PDE4D: variants seen among roughly 807,000 people sequenced by gnomAD.
PDE4D encodes phosphodiesterase 4D, also known as 3',5'-cyclic-AMP phosphodiesterase 4D.
A neutral mutation model predicts 87.4 loss-of-function variants in PDE4D; 24 were observed. That is an observed-to-expected ratio of 0.27 (90% CI 0.20 to 0.39). PDE4D has a LOEUF of 0.39. Among genes scored for constraint, PDE4D ranks in the 10% least tolerant of loss-of-function variants. The pLI is 1.00. For synonymous variants in PDE4D, 384 were observed against 383.2 expected, an observed-to-expected ratio of 1.00 and a Z score of -0.02; for missense variants, 714 against 1,041.0, an observed-to-expected ratio of 0.69 and a Z score of 4.32.
chr5:59,600,262 C>T (rs564147742), intron 1 of PDE4D, among the ~76,000 whole-genome samples: 1 of 152,164 alleles, frequency 6.6e-6, no homozygotes, highest in Non-Finnish European at 1.5e-5. Context: ...GTTGGACTCA[C>T]GGCACTACTC....
chr5:59,475,858 T>C (rs1376784558), intron 1 of PDE4D, among the ~76,000 whole-genome samples: 2 of 152,062 alleles, frequency 1.3e-5, no homozygotes, highest in African/African-American at 4.8e-5. Context: ...AGGGCAGGCT[T>C]GTCTTTAAAA....
intron 1 of PDE4D, among the ~76,000 whole-genome samples, chr5:59,258,285 A>C (rs1251982897): frequency 1.3e-5 from 2 of 151,854 alleles, no homozygotes; most frequent in Admixed American, 6.6e-5. Context: ...ACACACACCC[A>C]TACACAGACA....
At chr5:59,308,485 T>C (rs10079614) in intron 1 of PDE4D, among the ~76,000 whole-genome samples, 10,949 of 152,208 alleles carry the variant, frequency 0.072, 531 homozygotes, top group South Asian at 0.13. Context: ...TTCCTTCATA[T>C]ATGATGCTTA....
chr5:59,952,140 C>G (rs1267759733), intron 3 of PDE4D, among the ~76,000 whole-genome samples: 1 of 152,016 alleles, frequency 6.6e-6, no homozygotes, highest in Non-Finnish European at 1.5e-5. Flanking sequence ...GGCTCTTCCC[C>G]CTTCACTCTT....
chr5:59,977,992 T>C (rs1014842206), intron 3 of PDE4D, among the ~76,000 whole-genome samples: 2 of 152,208 alleles, frequency 1.3e-5, no homozygotes, highest in African/African-American at 4.8e-5. Context: ...GAGCCCACTG[T>C]TGAGACATAC....
chr5:59,702,718 A>T (rs1396182149), intron 1 of PDE4D, among the ~76,000 whole-genome samples: 2 of 151,648 alleles, frequency 1.3e-5, no homozygotes, highest in African/African-American at 4.8e-5. Flanking sequence ...AAAATACAAA[A>T]ATTAGCTGGG....
intron 1 of PDE4D, among the ~76,000 whole-genome samples, chr5:59,720,122 G>A (rs1755615967): frequency 6.6e-6 from 1 of 152,180 alleles, no homozygotes; most frequent in Admixed American, 6.6e-5. Flanking sequence ...ATGTTTGTGT[G>A]TGTTTTAAGA....
chr5:59,409,553 T>G (rs1792302493), intron 1 of PDE4D, among the ~76,000 whole-genome samples: 1 of 152,078 alleles, frequency 6.6e-6, no homozygotes, highest in African/African-American at 2.4e-5. Context: ...GATCTAGTTG[T>G]TTAAAAGTGT....
intron 2 of PDE4D, among the ~76,000 whole-genome samples, chr5:60,163,160 C>T (rs769163161): frequency 5.9e-5 from 9 of 152,164 alleles, no homozygotes; most frequent in Non-Finnish European, 8.8e-5. Context: ...AACTCCTGAG[C>T]TAGCTATGTT....
chr5:60,025,109 T>C (rs1018746441), intron 2 of PDE4D, among the ~76,000 whole-genome samples: 1 of 152,118 alleles, frequency 6.6e-6, no homozygotes, highest in Non-Finnish European at 1.5e-5. Flanking sequence ...AATATGAAGA[T>C]AAATTGGATT....
In PDE4D at chr5:59,368,325, A is replaced by T. The variant is rs189784619; in HGVS notation, c.456-152357T>A. ...CCATTCGGTAAATGAAAATTGAAAA[A>T]TTGAAAATTGGGGACTACATTAAAA... On this transcript the variant is annotated intron_variant, in intron 1 of 14. Coordinates refer to ENST00000340635, the MANE Select transcript of PDE4D (RefSeq NM_001104631.2). 3.7e-3 allele frequency among the ~76,000 whole-genome samples: 556 copies of T among 152,298 alleles called. 2 individuals are homozygous for T. The highest frequency in any genetic ancestry group is 6.4e-3 in the South Asian group (31 of 4,824).
chr5:59,771,281 A>T (rs1045225938), intron 1 of PDE4D, among the ~76,000 whole-genome samples: 3 of 151,590 alleles, frequency 2.0e-5, no homozygotes, highest in Non-Finnish European at 4.4e-5. Flanking sequence ...AAGTACCCAG[A>T]CGAGATCTTG....
intron 3 of PDE4D, among the ~76,000 whole-genome samples, chr5:59,914,889 G>GTGTGTT (rs1753868289): frequency 6.6e-6 from 1 of 150,418 alleles, no homozygotes; most frequent in African/African-American, 2.4e-5. Context: ...GTGTGTGTGT[G>GTGTGTT]TGTGTGTGTG....
At chr5:59,138,958 A>G (rs1265812625) in intron 5 of PDE4D, among the ~76,000 whole-genome samples, 2 of 152,312 alleles carry the variant, frequency 1.3e-5, no homozygotes, top group Admixed American at 6.5e-5. Context: ...AAATTCAGGA[A>G]TAGCTATCTC....
intron 1 of PDE4D, among the ~76,000 whole-genome samples, chr5:60,230,914 C>G (rs1745730949): frequency 6.6e-6 from 1 of 152,038 alleles, no homozygotes; most frequent in Non-Finnish European, 1.5e-5. Flanking sequence ...ACCCTTAGTT[C>G]TGGCAGGAAC....
intron 1 of PDE4D, chr5:60,430,206 T>C (rs1744099429): frequency 1.9e-6 from 1 of 521,398 alleles, no homozygotes; most frequent in Non-Finnish European, 3.8e-6. Context: ...TGATGGGATA[T>C]TCTCGGGTCA....
chr5:59,067,217 A>AT (rs1764084190), intron 5 of PDE4D, among the ~76,000 whole-genome samples: 1 of 151,688 alleles, frequency 6.6e-6, no homozygotes, highest in African/African-American at 2.4e-5. Context: ...AGGTTTCATC[A>AT]TGTTGCCCAG....
At chr5:59,677,155 G>A (rs1748231779) in intron 1 of PDE4D, among the ~76,000 whole-genome samples, 1 of 151,460 alleles carries the variant, frequency 6.6e-6, no homozygotes, top group Non-Finnish European at 1.5e-5. Context: ...CTATCTATTT[G>A]TATATATACC....
chr5:60,095,484 T>A (rs901858731), intron 2 of PDE4D, among the ~76,000 whole-genome samples: 1 of 152,206 alleles, frequency 6.6e-6, no homozygotes, highest in African/African-American at 2.4e-5. Flanking sequence ...AAGTCTTTGC[T>A]ATTGTGAAAA....
Sources: gnomAD v4.1 joint callset for allele counts (sites outside exome capture counted in the v4.1 genomes callset) on GRCh38, gnomAD v4.1.1 for gene constraint, MANE v1.5 for transcripts, NCBI Gene and HGNC (gene_info 2026-07-23, HGNC 2026-07-21) for gene names.